The following OR56A3 variants were observed in gnomAD, a reference collection of about 807,000 sequenced individuals.
OR56A3 encodes olfactory receptor family 56 subfamily A member 3.
A neutral mutation model predicts 17.5 loss-of-function variants in OR56A3; 23 were observed. The observed-to-expected ratio is 1.32, with a 90% CI of 0.95 to 1.87. OR56A3 has a LOEUF of 1.87. Among genes scored for constraint, OR56A3 ranks in the 40% most tolerant of loss-of-function variants. The pLI, the probability that OR56A3 is intolerant of heterozygous loss-of-function variation, is 0.00. For synonymous variants in OR56A3, 175 were observed against 150.6 expected (o/e 1.16, Z -1.19); for missense variants, 366 against 380.1 (o/e 0.96, Z 0.31).
At chr11:5,967,878 C>G in the OR56A3 span, 1 of 1,579,178 alleles carries the variant, frequency 6.3e-7, no homozygotes, top group Non-Finnish European at 8.6e-7. Flanking sequence ...CAGGGTCCAA[C>G]CTATAACAAA....
the OR56A3 span, among the ~76,000 whole-genome samples, chr11:5,971,915 C>T: frequency 1.3e-3 from 204 of 152,192 alleles, no homozygotes; most frequent in African/African-American, 4.6e-3. Flanking sequence ...CCAAGTGAAG[C>T]CTTCCAAAAT....
chr11:5,948,066 G>A lies in OR56A3; in HGVS notation c.720G>A (p.Lys240=), dbSNP rs769550780. The change falls in exon 3 of 3, where the codon AAG becomes AAA. Residue 240 remains lysine, a synonymous_variant. Coordinates refer to ENST00000641160, the MANE Select transcript of OR56A3 (RefSeq NM_001003443.3). The stretch of plus-strand genomic sequence containing the variant: ...TCAAGGCAGAGGGTGCCGTGGCAAA[G>A]GCCCTAAGCACATGTGGCTCCCACT... ...LRLKAEGAVA[K]ALSTCGSHFM... The A allele has an allele frequency of 2.5e-6, 4 of 1,614,092 alleles. No individual in the cohort carries two copies. The highest frequency in any genetic ancestry group is 3.3e-5 in the Admixed American group (2 of 60,006).
chr11:5,969,816 G>T, the OR56A3 span, among the ~76,000 whole-genome samples: 1 of 152,210 alleles, frequency 6.6e-6, no homozygotes, highest in Non-Finnish European at 1.5e-5. Context: ...ACAAGTGACT[G>T]TTGGCTTCAG....
chr11:5,986,091 G>A, the OR56A3 span: 169 of 1,613,998 alleles, frequency 1.0e-4, no homozygotes, highest in South Asian at 1.4e-3. Context: ...GACCAAAGCG[G>A]TGAGTGAGGA....
chr11:5,969,508 C>T, the OR56A3 span, among the ~76,000 whole-genome samples: 1 of 152,222 alleles, frequency 6.6e-6, no homozygotes, highest in Non-Finnish European at 1.5e-5. Flanking sequence ...TATCCCTTCT[C>T]TGAATGGCAA....
At chr11:6,004,801 C>A in the OR56A3 span, among the ~76,000 whole-genome samples, 1 of 152,284 alleles carries the variant, frequency 6.6e-6, no homozygotes, top group East Asian at 1.9e-4. Context: ...TATAGCTACT[C>A]TGAATGGCTT....
chr11:5,967,163 CAG>C, the OR56A3 span: 1 of 159,622 alleles, frequency 6.3e-6, no homozygotes, highest in East Asian at 1.9e-4. Context: ...TGAGCTGAGT[CAG>C]GGAAAACCAA....
At chr11:6,016,650 G>A in the OR56A3 span, among the ~76,000 whole-genome samples, 1 of 151,894 alleles carries the variant, frequency 6.6e-6, no homozygotes, top group Non-Finnish European at 1.5e-5. Context: ...TGATTCTACA[G>A]CAACAGATTC....
chr11:5,967,923 G>C, the OR56A3 span: 1 of 1,595,046 alleles, frequency 6.3e-7, no homozygotes, highest in Non-Finnish European at 8.6e-7. Flanking sequence ...GTCATCACAA[G>C]AGAGTTTAGA....
chr11:6,012,040 C>T, the OR56A3 span, among the ~76,000 whole-genome samples: 3 of 152,208 alleles, frequency 2.0e-5, no homozygotes, highest in African/African-American at 7.2e-5. Flanking sequence ...CAGATCTGGG[C>T]TCCCGAAAGG....
At chr11:5,968,918 C>T in the OR56A3 span, among the ~76,000 whole-genome samples, 1 of 152,106 alleles carries the variant, frequency 6.6e-6, no homozygotes, top group African/African-American at 2.4e-5. Flanking sequence ...TTGCAGGGTC[C>T]TTTCAGTAAG....
chr11:5,989,059 G>A, the OR56A3 span, among the ~76,000 whole-genome samples: 16 of 152,288 alleles, frequency 1.1e-4, no homozygotes, highest in South Asian at 3.3e-3. Flanking sequence ...TAGCTATAAA[G>A]TCTGAAATGC....
At chr11:6,019,693 T>C in the OR56A3 span, 1 of 152,134 alleles carries the variant, frequency 6.6e-6, no homozygotes, top group Non-Finnish European at 1.5e-5. Context: ...CTCCCAATTG[T>C]CTTTCCAATT....
At chr11:5,986,264 G>A in the OR56A3 span, 1 of 1,613,914 alleles carries the variant, frequency 6.2e-7, no homozygotes, top group Non-Finnish European at 8.5e-7. Flanking sequence ...CCAATCACAA[G>A]CAAGGCCATA....
intron 2 of OR56A3, among the ~76,000 whole-genome samples, chr11:5,946,088 C>T (rs527279593): frequency 6.6e-6 from 1 of 152,200 alleles, no homozygotes; most frequent in Non-Finnish European, 1.5e-5. Context: ...TGCCAAGCTA[C>T]AGTGTTCTTT....
chr11:5,975,436 CTA>C, the OR56A3 span, among the ~76,000 whole-genome samples: 1 of 148,068 alleles, frequency 6.8e-6, no homozygotes, highest in Admixed American at 6.8e-5. Flanking sequence ...CAATTCCCAC[CTA>C]TGAGTGAGAA....
chr11:6,010,962 T>C, the OR56A3 span, among the ~76,000 whole-genome samples: 409 of 152,236 alleles, frequency 2.7e-3, no homozygotes, highest in African/African-American at 9.0e-3. Flanking sequence ...TTGTGAGTAT[T>C]CAAATTCTTA....
the OR56A3 span, among the ~76,000 whole-genome samples, chr11:5,978,559 A>AT: frequency 6.6e-6 from 1 of 151,232 alleles, no homozygotes; most frequent in Non-Finnish European, 1.5e-5. Flanking sequence ...TTTGTAATTG[A>AT]TTTTGTGTCC....
chr11:5,979,341 A>G, the OR56A3 span, among the ~76,000 whole-genome samples: 1 of 151,056 alleles, frequency 6.6e-6, no homozygotes, highest in Non-Finnish European at 1.5e-5. Flanking sequence ...GTGAGTCCAT[A>G]TGATCTAGGG....
Sources: gnomAD v4.1 joint callset for allele counts (sites outside exome capture counted in the v4.1 genomes callset) on GRCh38, gnomAD v4.1.1 for gene constraint, MANE v1.5 for transcripts, NCBI Gene and HGNC (gene_info 2026-07-23, HGNC 2026-07-21) for gene names.